HIC2: variants seen among roughly 807,000 people sequenced by gnomAD.
HIC2 encodes hypermethylated in cancer 2 protein.
Under a neutral mutation model 39.5 loss-of-function variants are expected in HIC2, and 2 were observed. The ratio of observed to expected loss-of-function variants is 0.05; its 90% confidence interval spans 0.02 to 0.16. The LOEUF is 0.16. Among genes scored for constraint, HIC2 ranks in the 10% least tolerant of loss-of-function variants. The pLI is 1.00. For synonymous variants in HIC2, 399 were observed against 368.8 expected, an observed-to-expected ratio of 1.08 and a Z score of -0.94; for missense variants, 713 against 863.5, an observed-to-expected ratio of 0.83 and a Z score of 2.18.
chr22:21,447,080 G>T lies in HIC2; in HGVS notation c.*337G>T. The stretch of plus-strand genomic sequence containing the variant: ...GCAGGCGGCTTGGAGAAAGGGCAGT[G>T]GGACGCTGGCCACGGCCAGGGTGGT... On this transcript the variant is annotated 3_prime_UTR_variant, in exon 3 of 3. Transcript: ENST00000407464. The T allele has an allele frequency of 3.2e-6, 1 of 312,270 alleles. No individual in the cohort carries two copies. Among genetic ancestry groups the T allele is most frequent in the South Asian group, 5.1e-5 (1 of 19,428 alleles). The allele number at this position is 312,270 out of a possible 1,614,324, so 19.3% of individuals were successfully genotyped here. A position where few individuals can be genotyped will look rare whatever the true frequency, so the allele number is the denominator to read the frequency against.
intron 1 of HIC2, among the ~76,000 whole-genome samples, chr22:21,430,882 A>G (rs1227117142): frequency 9.0e-6 from 1 of 111,204 alleles, no homozygotes; most frequent in South Asian, 3.8e-4. Flanking sequence ...AAAAAAAAAA[A>G]ACAAAGGTAA....
chr22:21,425,718 T>C (rs1923215127), intron 1 of HIC2, among the ~76,000 whole-genome samples: 1 of 148,162 alleles, frequency 6.7e-6, no homozygotes, highest in African/African-American at 2.5e-5. Context: ...TTTTTTCTTT[T>C]TTTTTTTTTT....
chr22:21,445,084 C>G lies in HIC2; in HGVS notation c.189C>G (p.Val63=). ...CCATCTTCCGGGCCCACAAGAACGT[C>G]CTAGCCGCCAGCAGCATCTATTTCA... ...ENSIFRAHKN[V]LAASSIYFKS... is the part of the protein sequence containing the mutation. Residue 63 remains valine (V), a synonymous_variant, in exon 3 of 3, where the codon GTC becomes GTG. Transcript: ENST00000407464. 1.9e-6 allele frequency: 3 copies of G among 1,614,230 alleles called. No homozygotes were observed. The highest frequency in any genetic ancestry group is 1.7e-6 in the Non-Finnish European group (2 of 1,180,048).
chr22:21,421,702 T>C (rs1923080332), intron 1 of HIC2, among the ~76,000 whole-genome samples: 1 of 93,124 alleles, frequency 1.1e-5, no homozygotes, highest in East Asian at 2.7e-4. Flanking sequence ...GGGCAGCGCA[T>C]CGTAGGATCT....
intron 1 of HIC2, among the ~76,000 whole-genome samples, chr22:21,432,093 T>C (rs889264435): frequency 1.2e-4 from 15 of 124,796 alleles, no homozygotes; most frequent in African/African-American, 4.4e-4. Context: ...TTTGAGGCAC[T>C]GGGGGGTTTG....
rs1922916591 is a variant in HIC2 at position 21,417,577 on chromosome 22, T to TGGGGCGG, written c.-74+24_-74+30dup. On this transcript the variant is annotated intron_variant, in intron 1 of 2. Coordinates refer to ENST00000407464, the MANE Select transcript of HIC2 (RefSeq NM_015094.3). ...GCACACGAGGTGAGGGGCGGCCTTGTGGGGCGGGGGGCGCGGGGAGCGGGC... is the reference window on the plus strand; with the variant it reads ...GCACACGAGGTGAGGGGCGGCCTTGTGGGGCGGGGGGCGGGGGGCGCGGGGAGCGGGC... 6.9e-6 allele frequency: 1 copy of TGGGGCGG among 144,574 alleles called. No individual in the cohort carries two copies. 9.0% of individuals were successfully genotyped at this position (144,574 alleles called of 1,614,324 possible). A position where few individuals can be genotyped will look rare whatever the true frequency, so the allele number is the denominator to read the frequency against.
intron 1 of HIC2, among the ~76,000 whole-genome samples, chr22:21,438,291 C>T (rs1601329119): frequency 6.6e-6 from 1 of 151,110 alleles, no homozygotes; most frequent in South Asian, 2.1e-4. Flanking sequence ...TGTGGAGGCC[C>T]AGCACCTGGA....
Position 21,448,452 on chromosome 22 carries a change from GT to G in HIC2, c.*1711del, listed in dbSNP as rs1268255010. 5 of 152,752 alleles carry G rather than the reference GT, an allele frequency of 3.3e-5. No individual in the cohort carries two copies. Among genetic ancestry groups the G allele is most frequent in the Non-Finnish European group, 4.4e-5 (3 of 68,042 alleles). 9.5% of individuals were successfully genotyped at this position (152,752 alleles called of 1,614,324 possible). ...AGTGGGCTCTCAAGGTCAGACCAAG[GT>G]TGCTGATCTCAGTCCCACTGTCTTC... On this transcript the variant is annotated 3_prime_UTR_variant, in exon 3 of 3. Coordinates refer to ENST00000407464, the MANE Select transcript of HIC2 (RefSeq NM_015094.3).
In HIC2 at chr22:21,445,693, T is replaced by A. The variant is rs755104296; in HGVS notation, c.798T>A (p.Thr266=). 1 of 1,611,266 alleles carries A rather than the reference T, an allele frequency of 6.2e-7. No individual in the cohort carries two copies. Residue 266 remains threonine (T), a synonymous_variant, in exon 3 of 3, where the codon ACT becomes ACA. Coordinates refer to ENST00000407464, the MANE Select transcript of HIC2 (RefSeq NM_015094.3). ...CTGCCACCCCAGGTCCCCACCTCAC[T>A]CCCGATGACGCAGCCCAGCTGAGCG... ...LPPATPGPHL[T]PDDAAQLSDS... is the part of the protein sequence containing the mutation.
rs1416576303 is a variant in HIC2 at position 21,445,801 on chromosome 22, T to G, written c.906T>G (p.Pro302=). The part of the protein sequence containing the change: ...SASYSELGGT[P]DEPMDLEGAE... ...CTTATTCTGAGCTGGGGGGCACCCC[T>G]GATGAGCCCATGGATCTGGAGGGGG... Residue 302 remains proline, a synonymous_variant, in exon 3 of 3, where the codon CCT becomes CCG. Transcript: ENST00000407464. The G allele has an allele frequency of 6.3e-7, 1 of 1,596,928 alleles. No homozygotes were observed. Among genetic ancestry groups the G allele is most frequent in the Non-Finnish European group, 8.5e-7 (1 of 1,171,608 alleles).
chr22:21,449,788 C>T lies in HIC2; in HGVS notation c.*3045C>T, dbSNP rs1276172761. 6.5e-6 allele frequency: 1 copy of T among 152,742 alleles called. No homozygotes were observed. Among genetic ancestry groups the T allele is most frequent in the African/African-American group, 2.4e-5 (1 of 41,468 alleles). The allele number at this position is 152,742 out of a possible 1,614,324, so 9.5% of individuals were successfully genotyped here. A position where few individuals can be genotyped will look rare whatever the true frequency, so the allele number is the denominator to read the frequency against. On this transcript the variant is annotated 3_prime_UTR_variant, in exon 3 of 3. Transcript: ENST00000407464. ...AGCTTGGGCCCGTGCTGACCAGCCC[C>T]CAAGGCCCTCTGGCCGGACCATGCT...
rs1346094270 is a variant in HIC2 at position 21,446,484 on chromosome 22, C to G, written c.1589C>G (p.Thr530Arg). 1 of 1,612,612 alleles carries G rather than the reference C, an allele frequency of 6.2e-7. No individual in the cohort carries two copies. The highest frequency in any genetic ancestry group is 8.5e-7 in the Non-Finnish European group (1 of 1,180,034). Residue 530 changes from threonine to arginine, a missense_variant, in exon 3 of 3, where the codon ACA (threonine) becomes AGA (arginine). Physicochemically the swap from Thr to Arg is moderately conservative, Grantham distance 71. Coordinates refer to ENST00000407464, the MANE Select transcript of HIC2 (RefSeq NM_015094.3). ...CAGCACGAGAAGACGCACTGGCTGA[C>G]ACGGCCCTTCCCCTGCAACATCTGT... Reference protein sequence around the residue: ...LRQHEKTHWLTRPFPCNICGK... With the variant: ...LRQHEKTHWLRRPFPCNICGK...
intron 1 of HIC2, among the ~76,000 whole-genome samples, chr22:21,432,467 G>A (rs1253246144): frequency 3.0e-4 from 27 of 89,668 alleles, no homozygotes; most frequent in Admixed American, 1.1e-4. Flanking sequence ...ACCTGAGGTC[G>A]GGAGTTCCAG....
intron 1 of HIC2, among the ~76,000 whole-genome samples, chr22:21,425,529 T>C (rs1923201076): frequency 7.8e-6 from 1 of 127,850 alleles, no homozygotes; most frequent in Non-Finnish European, 1.7e-5. Context: ...CCACCACGCC[T>C]GGTTAATTTT....
Position 21,449,141 on chromosome 22 carries a change from A to T in HIC2, c.*2398A>T, listed in dbSNP as rs895863211. ...AGCCTTTTCTGTGTTTTAATGAGAAAGCAGAACACTAGTTTCCTATTTAAG... is the reference window on the plus strand; with the variant it reads ...AGCCTTTTCTGTGTTTTAATGAGAATGCAGAACACTAGTTTCCTATTTAAG... On this transcript the variant is annotated 3_prime_UTR_variant, in exon 3 of 3. Coordinates refer to ENST00000407464, the MANE Select transcript of HIC2 (RefSeq NM_015094.3). The T allele has an allele frequency of 6.5e-6, 1 of 152,716 alleles. No individual in the cohort carries two copies. Among genetic ancestry groups the T allele is most frequent in the Non-Finnish European group, 1.5e-5 (1 of 68,048 alleles). 9.5% of individuals were successfully genotyped at this position (152,716 alleles called of 1,614,324 possible). A position where few individuals can be genotyped will look rare whatever the true frequency, so the allele number is the denominator to read the frequency against.
intron 2 of HIC2, among the ~76,000 whole-genome samples, chr22:21,443,475 T>C (rs904140720): frequency 2.6e-5 from 4 of 152,078 alleles, no homozygotes; most frequent in African/African-American, 9.7e-5. Context: ...GCCTCTGCTC[T>C]GGGAGGCAGG....
At position 21,445,330 on chromosome 22, in the gene HIC2, C is replaced by T. The variant is rs780698225; in HGVS notation, c.435C>T (p.Pro145=). The T allele has an allele frequency of 3.1e-6, 5 of 1,594,820 alleles. No individual in the cohort carries two copies. The highest frequency in any genetic ancestry group is 2.7e-5 in the African/African-American group (2 of 74,750). Residue 145 remains proline, a synonymous_variant, in exon 3 of 3, where the codon CCC becomes CCT. Transcript: ENST00000407464. ...GCAAACTCAAGCGAGCCGGCAAGCC[C>T]TTTGGCTCTGGGAGGGCGGGGTCCA... is the stretch of plus-strand genomic sequence containing the variant. ...CRRKLKRAGK[P]FGSGRAGSTG...
chr22:21,447,722 G>A lies in HIC2; in HGVS notation c.*979G>A, dbSNP rs1025420525. The A allele has an allele frequency of 2.0e-5, 3 of 152,530 alleles. No homozygotes were observed. Among genetic ancestry groups the A allele is most frequent in the South Asian group, 2.1e-4 (1 of 4,810 alleles). The allele number at this position is 152,530 out of a possible 1,614,324, so 9.4% of individuals were successfully genotyped here. ...AAGGTCTGGGGTTCCGGGGGGTGGG[G>A]GGAGGCTAGACTCAATGCCGGGGCC... On this transcript the variant is annotated 3_prime_UTR_variant, in exon 3 of 3. Coordinates refer to ENST00000407464, the MANE Select transcript of HIC2 (RefSeq NM_015094.3).
In HIC2 at chr22:21,445,282, C is replaced by A; in HGVS notation, c.387C>A (p.Pro129=). The A allele has an allele frequency of 1.2e-6, 2 of 1,610,648 alleles. No individual in the cohort carries two copies. The highest frequency in any genetic ancestry group is 8.5e-7 in the Non-Finnish European group (1 of 1,179,088). Residue 129 remains proline (P), a synonymous_variant, in exon 3 of 3, where the codon CCC becomes CCA. Transcript: ENST00000407464. ...CTGCCGCCAGCTACCTCCAGCTGCCCGAGTTGGCAGCCCTCTGCCGCCGCA... is the reference window on the plus strand; with the variant it reads ...CTGCCGCCAGCTACCTCCAGCTGCCAGAGTTGGCAGCCCTCTGCCGCCGCA... ...LLTAASYLQL[P]ELAALCRRKL...
Sources: allele counts gnomAD v4.1 joint callset (sites outside exome capture counted in the v4.1 genomes callset), GRCh38; gene constraint gnomAD v4.1.1; transcripts MANE v1.5; gene names NCBI Gene and HGNC (gene_info 2026-07-23, HGNC 2026-07-21).